The following ST3GAL3 variants were observed in gnomAD, a reference collection of about 807,000 sequenced individuals.
ST3GAL3 encodes ST3 beta-galactoside alpha-2,3-sialyltransferase 3, also known as CMP-N-acetylneuraminate-beta-1,4-galactoside alpha-2,3-sialyltransferase.
ST3GAL3 carries 21 observed loss-of-function variants against 50.1 expected under a neutral mutation model. The observed-to-expected ratio is 0.42, with a 90% CI of 0.30 to 0.60. The LOEUF is 0.60. Among genes scored for constraint, ST3GAL3 ranks in the 20% least tolerant of loss-of-function variants. The pLI is 0.19. For synonymous variants in ST3GAL3, 183 were observed against 190.0 expected, an observed-to-expected ratio of 0.96 and a Z score of 0.30; for missense variants, 353 against 489.4, an observed-to-expected ratio of 0.72 and a Z score of 2.63.
intron 2 of ST3GAL3, 173 bp downstream of exon 2, chr1:43,736,553 C>T: frequency 8.6e-7 from 1 of 1,163,860 alleles, no homozygotes. Flanking sequence ...AGGCTGAGAA[C>T]TTTGATGTTT....
intron 5 of ST3GAL3, among the ~76,000 whole-genome samples, chr1:43,856,202 CA>C (rs1326003593): frequency 6.6e-6 from 1 of 152,194 alleles, no homozygotes; most frequent in African/African-American, 2.4e-5. Flanking sequence ...TGCATGTATA[CA>C]AAAAGGACAT....
At chr1:43,719,370 G>C (rs899548260) in intron 1 of ST3GAL3, among the ~76,000 whole-genome samples, 1 of 152,018 alleles carries the variant, frequency 6.6e-6, no homozygotes, top group Non-Finnish European at 1.5e-5. Flanking sequence ...AAGAATAAGC[G>C]GTGGCTTGGG....
intron 9 of ST3GAL3, among the ~76,000 whole-genome samples, chr1:43,917,527 AT>A (rs1396550190): frequency 2.5e-3 from 173 of 70,110 alleles, no homozygotes; most frequent in Non-Finnish European, 3.1e-3. Flanking sequence ...TATATATTAT[AT>A]TATATAATAT....
chr1:43,924,692 T>A (rs1431321921), intron 11 of ST3GAL3, among the ~76,000 whole-genome samples: 1 of 151,874 alleles, frequency 6.6e-6, no homozygotes, highest in African/African-American at 2.4e-5. Context: ...CAATGAGAGG[T>A]GATGAGAGAG....
chr1:43,765,772 TGTGTGTGTGTGTGC>T (rs1208656382), intron 2 of ST3GAL3, among the ~76,000 whole-genome samples: 324 of 125,800 alleles, frequency 2.6e-3, no homozygotes, highest in Middle Eastern at 3.9e-3. Context: ...TGTGTGTGTG[TGTGTGTGTGTGTGC>T]GCGCGCGCGC....
At chr1:43,724,415 C>T (rs377599980) in intron 1 of ST3GAL3, among the ~76,000 whole-genome samples, 7 of 138,728 alleles carry the variant, frequency 5.0e-5, no homozygotes, top group South Asian at 2.3e-4. Flanking sequence ...GATGGGGTTT[C>T]GCCATGTTGC....
chr1:43,880,918 G>A (rs963503402), intron 5 of ST3GAL3, among the ~76,000 whole-genome samples: 3 of 151,942 alleles, frequency 2.0e-5, no homozygotes, highest in African/African-American at 7.3e-5. Context: ...TATTATTACT[G>A]TTGTTATTAT....
At chr1:43,751,958 A>G (rs530126334) in intron 2 of ST3GAL3, among the ~76,000 whole-genome samples, 1 of 152,100 alleles carries the variant, frequency 6.6e-6, no homozygotes, top group East Asian at 1.9e-4. Context: ...AGCTGGGATT[A>G]CAGGCCCTGC....
chr1:43,921,585 G>T, intron 11 of ST3GAL3: 1 of 399,414 alleles, frequency 2.5e-6, no homozygotes, highest in Admixed American at 4.4e-5. Context: ...TGCTACATCT[G>T]GGTGATGGGA....
At chr1:43,716,714 G>A (rs937995649) in intron 1 of ST3GAL3, among the ~76,000 whole-genome samples, 3 of 152,174 alleles carry the variant, frequency 2.0e-5, no homozygotes, top group Non-Finnish European at 4.4e-5. Flanking sequence ...TGAACCTCAT[G>A]TGCGACAGAC....
intron 4 of ST3GAL3, among the ~76,000 whole-genome samples, chr1:43,835,967 G>A (rs145461046): frequency 3.9e-5 from 6 of 152,254 alleles, no homozygotes; most frequent in African/African-American, 1.2e-4. Flanking sequence ...GCCTTCCTCC[G>A]TGACCGTGTT....
chr1:43,891,508 G>A (rs2076678680), intron 5 of ST3GAL3, among the ~76,000 whole-genome samples: 1 of 152,304 alleles, frequency 6.6e-6, no homozygotes, highest in South Asian at 2.1e-4. Context: ...GGCAGAGGTT[G>A]CAGTGAGCTG....
chr1:43,849,438 T>C lies in ST3GAL3; in HGVS notation c.302+11127T>C, dbSNP rs574224070. On this transcript the variant is annotated intron_variant, in intron 5 of 11. Coordinates refer to ENST00000347631, the MANE Select transcript of ST3GAL3 (RefSeq NM_006279.5). ...CTTTTTTAACTTTTTAAGAAATTAG[T>C]TTGAGTTCAAATATTTTTGAAATAT... Among the ~76,000 whole-genome samples the C allele has an allele frequency of 2.6e-5, 4 of 152,314 alleles. No individual in the cohort carries two copies. The East Asian group carries it at 7.7e-4, about 29-fold the overall frequency.
intron 2 of ST3GAL3, chr1:43,743,629 A>G (rs932851283): frequency 6.2e-5 from 18 of 292,622 alleles, no homozygotes; most frequent in Admixed American, 5.4e-4. Context: ...CAGGTGGCCA[A>G]TCCATGAAAC....
At chr1:43,797,933 T>G (rs1286833527) in intron 3 of ST3GAL3, among the ~76,000 whole-genome samples, 1 of 152,226 alleles carries the variant, frequency 6.6e-6, no homozygotes, top group Admixed American at 6.5e-5. Flanking sequence ...TGTTTTTAAG[T>G]ACTAGCAATG....
chr1:43,716,368 A>T (rs988001248), intron 1 of ST3GAL3: 3 of 152,176 alleles, frequency 2.0e-5, no homozygotes, highest in African/African-American at 7.2e-5. Flanking sequence ...GCACTTGGTG[A>T]CATGATAACT....
chr1:43,741,379 A>G (rs1250391081), intron 2 of ST3GAL3, among the ~76,000 whole-genome samples: 2 of 152,196 alleles, frequency 1.3e-5, no homozygotes, highest in Non-Finnish European at 2.9e-5. Context: ...GTGTTTATCA[A>G]TTATTACAGC....
chr1:43,730,764 T>C (rs1675378007), intron 1 of ST3GAL3, among the ~76,000 whole-genome samples: 1 of 151,546 alleles, frequency 6.6e-6, no homozygotes, highest in African/African-American at 2.4e-5. Flanking sequence ...GGAGACAGGA[T>C]CTTACTATGT....
At chr1:43,755,509 C>T (rs1414645733) in intron 2 of ST3GAL3, among the ~76,000 whole-genome samples, 1 of 152,100 alleles carries the variant, frequency 6.6e-6, no homozygotes, top group Non-Finnish European at 1.5e-5. Flanking sequence ...TTATATTCCA[C>T]AGAACTTACC....
Sources: gnomAD v4.1 joint callset for allele counts (sites outside exome capture counted in the v4.1 genomes callset) on GRCh38, gnomAD v4.1.1 for gene constraint, MANE v1.5 for transcripts, NCBI Gene and HGNC (gene_info 2026-07-23, HGNC 2026-07-21) for gene names.